GREM2: variants seen among roughly 807,000 people sequenced by gnomAD.
The protein encoded by GREM2 is gremlin 2, DAN family BMP antagonist.
In GREM2, 11 loss-of-function variants were observed where a neutral mutation model predicts 14.2. That is an observed-to-expected ratio of 0.78 (90% CI 0.49 to 1.28). The LOEUF (loss-of-function observed/expected upper bound fraction) is 1.28. GREM2 is among the 50% of genes most tolerant of loss of function. GREM2 has a pLI of 0.00. For missense variants in GREM2, 210 were observed against 218.5 expected (o/e 0.96, Z 0.24); for synonymous variants, 98 against 97.6 (o/e 1.00, Z -0.02).
At position 240,543,947 on chromosome 1, in the gene GREM2, G is replaced by A. The variant is rs1398914610; in HGVS notation, c.-1-50471C>T. On this transcript the variant is annotated intron_variant, in intron 1 of 1. Coordinates refer to ENST00000318160, the MANE Select transcript of GREM2 (RefSeq NM_022469.4). This position sits in a 1 kb window ranked among gnomAD's most constrained non-coding sequence, Gnocchi z 6.4. ...CCATACCTGTGGGTTCCACATTCAT[G>A]GGTTCAACCAACCTCAGATCAAAAA... Among the ~76,000 whole-genome samples, 1 of 152,126 alleles carries A rather than the reference G, an allele frequency of 6.6e-6. No individual in the cohort carries two copies. The highest frequency in any genetic ancestry group is 2.4e-5 in the African/African-American group (1 of 41,436).
intron 1 of GREM2, among the ~76,000 whole-genome samples, chr1:240,547,513 AAATAT>A (rs1349592877): frequency 4.4e-5 from 4 of 90,734 alleles, no homozygotes; most frequent in Non-Finnish European, 8.2e-5. Flanking sequence ...AAAAAAAAAA[AAATAT>A]ATATATATAT....
At chr1:240,535,555 T>G (rs2103319792) in intron 1 of GREM2, among the ~76,000 whole-genome samples, 1 of 152,066 alleles carries the variant, frequency 6.6e-6, no homozygotes, top group East Asian at 1.9e-4. Context: ...ATCCCCACAT[T>G]TTGGGAGGCC....
At chr1:240,496,634 C>T (rs1164631182) in intron 1 of GREM2, among the ~76,000 whole-genome samples, 3 of 152,154 alleles carry the variant, frequency 2.0e-5, no homozygotes, top group Non-Finnish European at 2.9e-5. Context: ...AATGTAAGGT[C>T]CAAGAGAGAA....
chr1:240,573,998 C>A (rs1008061789), intron 1 of GREM2, among the ~76,000 whole-genome samples: 13 of 152,156 alleles, frequency 8.5e-5, no homozygotes, highest in African/African-American at 3.1e-4. Flanking sequence ...TGGCTCACAG[C>A]AACCTCTGCC....
At chr1:240,503,802 A>G (rs1677622418) in intron 1 of GREM2, among the ~76,000 whole-genome samples, 1 of 152,168 alleles carries the variant, frequency 6.6e-6, no homozygotes, top group Non-Finnish European at 1.5e-5. Flanking sequence ...CGCCATGGTC[A>G]TGACAGACTG....
Position 240,509,343 on chromosome 1 carries a change from A to G in GREM2, c.-1-15867T>C, listed in dbSNP as rs188751363. Among the ~76,000 whole-genome samples the G allele has an allele frequency of 4.1e-4, 61 of 147,738 alleles. No homozygotes were observed. In the East Asian group the frequency reaches 0.011, roughly 27 times the overall value. On this transcript the variant is annotated intron_variant, in intron 1 of 1. Transcript: ENST00000318160. ...TGCATGTCCAAGCAGAGGCTTGCCC[A>G]GGAGCCAGCTCATTTGATTTTTTTT...
chr1:240,585,168 G>C (rs1342894509), intron 1 of GREM2, among the ~76,000 whole-genome samples: 1 of 152,072 alleles, frequency 6.6e-6, no homozygotes, highest in East Asian at 1.9e-4. Context: ...GGCAATGTAG[G>C]TAAAAGTGCT....
chr1:240,546,408 G>A (rs1678719829), intron 1 of GREM2, among the ~76,000 whole-genome samples: 1 of 151,742 alleles, frequency 6.6e-6, no homozygotes, highest in South Asian at 2.1e-4. Context: ...CTTTGTGTAT[G>A]TCTTACAACT....
chr1:240,503,844 A>C (rs1465850122), intron 1 of GREM2, among the ~76,000 whole-genome samples: 1 of 152,236 alleles, frequency 6.6e-6, no homozygotes, highest in Middle Eastern at 3.4e-3. Flanking sequence ...TGGTGTAGCT[A>C]TTGTCTGCAC....
At chr1:240,511,174 C>T (rs971156060) in intron 1 of GREM2, among the ~76,000 whole-genome samples, 2 of 152,108 alleles carry the variant, frequency 1.3e-5, no homozygotes, top group Admixed American at 6.6e-5. Flanking sequence ...TAGTTTCTCA[C>T]TAACAGATCT....
At chr1:240,510,195 C>T (rs1015392871) in intron 1 of GREM2, among the ~76,000 whole-genome samples, 17 of 151,708 alleles carry the variant, frequency 1.1e-4, no homozygotes, top group Admixed American at 9.2e-4. Context: ...CGGTGAAACC[C>T]CGTCTCCACT....
rs192587030 is a variant in GREM2 at position 240,582,614 on chromosome 1, G to A, written c.-2+29270C>T. Among the ~76,000 whole-genome samples the A allele has an allele frequency of 1.3e-4, 20 of 152,196 alleles. No homozygotes were observed. In the East Asian group the frequency reaches 3.9e-3, roughly 29 times the overall value. On this transcript the variant is annotated intron_variant, in intron 1 of 1. Transcript: ENST00000318160. Reference sequence around the variant, plus strand: ...AGTTCAAGACCAGCCTGTCCAACATGGTGAAACCCCATCTCTACTAAAAAT... The same window carrying A: ...AGTTCAAGACCAGCCTGTCCAACATAGTGAAACCCCATCTCTACTAAAAAT...
chr1:240,544,046 C>T (rs757093194), intron 1 of GREM2, among the ~76,000 whole-genome samples: 4 of 152,006 alleles, frequency 2.6e-5, no homozygotes, highest in African/African-American at 9.7e-5. Flanking sequence ...CTTGAATCCA[C>T]ACGAATGAAG....
intron 1 of GREM2, among the ~76,000 whole-genome samples, chr1:240,534,538 A>C (rs1678433002): frequency 6.6e-6 from 1 of 151,908 alleles, no homozygotes; most frequent in Non-Finnish European, 1.5e-5. Context: ...AAATACAAAA[A>C]AAAATTAGCT....
rs180767259 is a variant in GREM2 at position 240,606,459 on chromosome 1, T to G, written c.-2+5425A>C. ...AATGCCATAGATTTTCGGAGGATCC[T>G]GGTTATAATACCCAACAAACACCAC... On this transcript the variant is annotated intron_variant, in intron 1 of 1. Transcript: ENST00000318160. 2.4e-4 allele frequency among the ~76,000 whole-genome samples: 37 copies of G among 152,326 alleles called. No homozygotes were observed. The East Asian group carries it at 6.6e-3, about 27-fold the overall frequency.
intron 1 of GREM2, among the ~76,000 whole-genome samples, chr1:240,588,242 C>T (rs1407332279): frequency 6.6e-6 from 1 of 152,202 alleles, no homozygotes; most frequent in Non-Finnish European, 1.5e-5. Flanking sequence ...AGATGACTGG[C>T]TTAGAATGCA....
At chr1:240,510,339 C>T (rs1290204594) in intron 1 of GREM2, among the ~76,000 whole-genome samples, 1 of 131,496 alleles carries the variant, frequency 7.6e-6, no homozygotes, top group Non-Finnish European at 1.5e-5. Flanking sequence ...CACTGCACTC[C>T]AGCCTGGGCG....
At chr1:240,583,605 ATCT>A (rs111347767) in intron 1 of GREM2, among the ~76,000 whole-genome samples, 36,841 of 146,798 alleles carry the variant, frequency 0.25, 4,799 homozygotes, top group South Asian at 0.36. Flanking sequence ...ACTCATCTCT[ATCT>A]TTTTTTTTTT....
intron 1 of GREM2, among the ~76,000 whole-genome samples, chr1:240,510,222 G>T (rs6703724): frequency 0.41 from 62,530 of 151,156 alleles, 14,102 homozygotes; most frequent in African/African-American, 0.61. Flanking sequence ...ACAAAGAAAT[G>T]AGCCGGGCGT....
Sources: gnomAD v4.1 joint callset for allele counts (sites outside exome capture counted in the v4.1 genomes callset) on GRCh38, gnomAD v4.1.1 for gene constraint, Gnocchi (gnomAD v3.1) non-coding constraint, MANE v1.5 for transcripts, NCBI Gene and HGNC (gene_info 2026-07-23, HGNC 2026-07-21) for gene names.